Variants in GALNT13 observed in about 807,000 individuals in gnomAD.
GALNT13 encodes UDP-GalNAc:polypeptide N-acetylgalactosaminyltransferase 13.
Under a neutral mutation model 64.2 loss-of-function variants are expected in GALNT13, and 28 were observed. The ratio of observed to expected loss-of-function variants is 0.44; its 90% CI spans 0.32 to 0.60. GALNT13 has a LOEUF of 0.60. Among genes scored for constraint, GALNT13 ranks in the 20% least tolerant of loss-of-function variants. The pLI, the probability that GALNT13 is intolerant of heterozygous loss-of-function variation, is 0.05. For synonymous variants in GALNT13, 214 were observed against 224.6 expected (o/e 0.95, Z 0.42); for missense variants, 577 against 669.8 (o/e 0.86, Z 1.53).
chr2:153,460,264 A>G, the GALNT13 span, among the ~76,000 whole-genome samples: 1 of 152,154 alleles, frequency 6.6e-6, no homozygotes, highest in East Asian at 1.9e-4. Context: ...ATGAAAAACC[A>G]TATAGTATAA....
chr2:153,081,864 C>A, the GALNT13 span, among the ~76,000 whole-genome samples: 19 of 152,124 alleles, frequency 1.2e-4, no homozygotes, highest in Admixed American at 1.2e-3. Context: ...TTCTGATTTC[C>A]TTTTTGTGGG....
the GALNT13 span, among the ~76,000 whole-genome samples, chr2:153,182,333 A>G: frequency 2.0e-5 from 3 of 152,286 alleles, no homozygotes; most frequent in Admixed American, 2.0e-4. Flanking sequence ...CGTGAGCCAC[A>G]GTGCCCGGCT....
the GALNT13 span, among the ~76,000 whole-genome samples, chr2:153,456,410 A>G: frequency 6.6e-6 from 1 of 152,174 alleles, no homozygotes; most frequent in Admixed American, 6.5e-5. Flanking sequence ...AAGAAAAAAC[A>G]TGAATTGGAA....
intron 10 of GALNT13, among the ~76,000 whole-genome samples, chr2:154,408,240 G>A (rs1699641298): frequency 6.6e-6 from 1 of 151,984 alleles, no homozygotes; most frequent in East Asian, 1.9e-4. Flanking sequence ...TATTGGTTTT[G>A]TAATTACATT....
intron 3 of GALNT13, among the ~76,000 whole-genome samples, chr2:153,957,673 A>T (rs62172782): frequency 6.6e-6 from 1 of 152,192 alleles, no homozygotes; most frequent in African/African-American, 2.4e-5. Context: ...CCCAGATGCC[A>T]ATTTCATAAC....
At chr2:153,283,104 G>T in the GALNT13 span, among the ~76,000 whole-genome samples, 2 of 152,178 alleles carry the variant, frequency 1.3e-5, no homozygotes, top group Non-Finnish European at 2.9e-5. Flanking sequence ...TCCATGGAGG[G>T]CTCAGTGGTC....
At chr2:153,884,910 G>A (rs1193139489) in intron 1 of GALNT13, among the ~76,000 whole-genome samples, 1 of 141,924 alleles carries the variant, frequency 7.0e-6, no homozygotes, top group Non-Finnish European at 1.5e-5. Flanking sequence ...GTCGTGGCAC[G>A]CACTTCTAGT....
intron 11 of GALNT13, chr2:154,436,641 T>A (rs972137417): frequency 1.3e-5 from 2 of 152,210 alleles, no homozygotes; most frequent in African/African-American, 4.8e-5. Flanking sequence ...TGTAATTGTG[T>A]TTAAGATAAT....
the GALNT13 span, among the ~76,000 whole-genome samples, chr2:153,774,022 G>A: frequency 6.6e-6 from 1 of 152,216 alleles, no homozygotes; most frequent in African/African-American, 2.4e-5. Context: ...ATCAATTGAT[G>A]ATTGATTAGA....
chr2:153,124,423 C>CT, the GALNT13 span, among the ~76,000 whole-genome samples: 1 of 152,152 alleles, frequency 6.6e-6, no homozygotes, highest in East Asian at 1.9e-4. Flanking sequence ...AATGCTTGAG[C>CT]TTTTTCTCCA....
chr2:153,231,058 T>A, the GALNT13 span, among the ~76,000 whole-genome samples: 10 of 152,204 alleles, frequency 6.6e-5, no homozygotes, highest in African/African-American at 2.4e-4. Context: ...TCCACTATTT[T>A]GCATGTTGGG....
the GALNT13 span, among the ~76,000 whole-genome samples, chr2:153,511,880 A>C: frequency 6.6e-6 from 1 of 152,344 alleles, no homozygotes; most frequent in East Asian, 1.9e-4. Context: ...AAAATAAATT[A>C]TATCCCAATG....
chr2:153,973,813 G>A (rs977733999), intron 3 of GALNT13, among the ~76,000 whole-genome samples: 3 of 151,904 alleles, frequency 2.0e-5, no homozygotes, highest in Non-Finnish European at 2.9e-5. Flanking sequence ...ATTCACATGC[G>A]CACCTAGTGG....
the GALNT13 span, among the ~76,000 whole-genome samples, chr2:153,498,323 C>T: frequency 6.6e-6 from 1 of 152,252 alleles, no homozygotes; most frequent in African/African-American, 2.4e-5. Flanking sequence ...GCGGCACCTT[C>T]TGCTGAATAT....
At chr2:154,114,908 A>G (rs2105500529) in intron 3 of GALNT13, among the ~76,000 whole-genome samples, 2 of 152,334 alleles carry the variant, frequency 1.3e-5, no homozygotes, top group South Asian at 4.1e-4. Context: ...GTTCAGTGCC[A>G]CCACTTGGCT....
chr2:154,167,392 A>T (rs1037704702), intron 4 of GALNT13, among the ~76,000 whole-genome samples: 13 of 152,154 alleles, frequency 8.5e-5, no homozygotes, highest in Non-Finnish European at 1.5e-4. Flanking sequence ...TCTAGGGTTG[A>T]TAGAGGAATT....
At chr2:153,310,190 A>T in the GALNT13 span, among the ~76,000 whole-genome samples, 1 of 152,178 alleles carries the variant, frequency 6.6e-6, no homozygotes. Context: ...TATTTGAGAA[A>T]AGTTAGTTTA....
the GALNT13 span, among the ~76,000 whole-genome samples, chr2:153,606,778 T>C: frequency 2.6e-4 from 40 of 152,014 alleles, no homozygotes; most frequent in African/African-American, 9.4e-4. Flanking sequence ...CCTGCTTGCC[T>C]CCGTTGTCTC....
At chr2:154,001,133 G>C (rs1052973085) in intron 3 of GALNT13, among the ~76,000 whole-genome samples, 1 of 151,780 alleles carries the variant, frequency 6.6e-6, no homozygotes. Flanking sequence ...TTCAGTTTGT[G>C]TGGAATATCT....
Sources: gnomAD v4.1 joint callset for allele counts (sites outside exome capture counted in the v4.1 genomes callset) on GRCh38, gnomAD v4.1.1 for gene constraint, MANE v1.5 for transcripts, NCBI Gene and HGNC (gene_info 2026-07-23, HGNC 2026-07-21) for gene names.